RCAN2: variants seen among roughly 807,000 people sequenced by gnomAD.
The protein encoded by RCAN2 is regulator of calcineurin 2, also known as calcipressin-2.
In RCAN2, 9 loss-of-function variants were observed where a neutral mutation model predicts 23.6. The observed-to-expected ratio is 0.38, with a 90% CI of 0.23 to 0.67. The LOEUF (loss-of-function observed/expected upper bound fraction) is 0.67. Ranked by LOEUF, RCAN2 falls within the 30% of genes least tolerant of loss-of-function variation. The pLI, the probability that RCAN2 is intolerant of heterozygous loss-of-function variation, is 0.51. For synonymous variants in RCAN2, 109 were observed against 115.7 expected (o/e 0.94, Z 0.37); for missense variants, 273 against 302.3 (o/e 0.90, Z 0.72).
intron 2 of RCAN2, among the ~76,000 whole-genome samples, chr6:46,334,792 C>T (rs1472047617): frequency 6.6e-6 from 1 of 152,186 alleles, no homozygotes; most frequent in African/African-American, 2.4e-5. Flanking sequence ...GAGTGGCACT[C>T]CTAAGAAGCC....
intron 1 of RCAN2, among the ~76,000 whole-genome samples, chr6:46,469,963 C>A (rs1768512163): frequency 6.6e-6 from 1 of 152,164 alleles, no homozygotes; most frequent in South Asian, 2.1e-4. Context: ...ACCACCCTCA[C>A]CAGACGACCG....
At position 46,223,124 on chromosome 6, in the gene RCAN2, G is replaced by A. The variant is rs567023552; in HGVS notation, c.*17C>T. The stretch of plus-strand genomic sequence containing the variant: ...TGATAAAGAGGAGACGGCTATTATC[G>A]AGAAGGAGCAGGCAGCTCAGTTGGA... On this transcript the variant is annotated 3_prime_UTR_variant, in exon 5 of 5. Transcript: ENST00000371374. The A allele has an allele frequency of 9.3e-6, 15 of 1,611,770 alleles. No individual in the cohort carries two copies. In the South Asian group the frequency reaches 9.9e-5, roughly 11 times the overall value.
intron 2 of RCAN2, among the ~76,000 whole-genome samples, chr6:46,324,817 C>T (rs753079440): frequency 6.6e-6 from 1 of 152,232 alleles, no homozygotes. Flanking sequence ...AACAACTGCT[C>T]AAGGAAAATG....
chr6:46,273,745 T>G (rs1438927841), intron 2 of RCAN2, among the ~76,000 whole-genome samples: 1 of 152,238 alleles, frequency 6.6e-6, no homozygotes, highest in Admixed American at 6.5e-5. Flanking sequence ...TCAACATTGA[T>G]TTGGCTGAAT....
intron 2 of RCAN2, among the ~76,000 whole-genome samples, chr6:46,328,858 G>A (rs554606058): frequency 4.3e-4 from 66 of 152,250 alleles, no homozygotes; most frequent in Admixed American, 1.2e-3. Flanking sequence ...ATCCGCCCAC[G>A]CTGGCCTCCC....
intron 2 of RCAN2, among the ~76,000 whole-genome samples, chr6:46,287,151 CTT>C (rs1300991385): frequency 6.6e-6 from 1 of 152,196 alleles, no homozygotes. Flanking sequence ...AGGCACAAAA[CTT>C]TGCCTGAAAC....
intron 2 of RCAN2, among the ~76,000 whole-genome samples, chr6:46,400,782 G>A (rs536535820): frequency 2.4e-4 from 37 of 152,324 alleles, no homozygotes; most frequent in African/African-American, 7.9e-4. Flanking sequence ...GGGTAAAATG[G>A]TGGTGCCATT....
At chr6:46,479,972 T>C (rs1242716449) in intron 1 of RCAN2, among the ~76,000 whole-genome samples, 2 of 152,196 alleles carry the variant, frequency 1.3e-5, no homozygotes, top group African/African-American at 4.8e-5. Context: ...CATAAGTCCA[T>C]TGTTCATTCC....
At chr6:46,333,967 T>C (rs1326474397) in intron 2 of RCAN2, among the ~76,000 whole-genome samples, 4 of 152,236 alleles carry the variant, frequency 2.6e-5, no homozygotes, top group African/African-American at 9.6e-5. Context: ...CCTGTGTTTC[T>C]TCCATTATGA....
chr6:46,440,173 C>T (rs1463393090), intron 2 of RCAN2, among the ~76,000 whole-genome samples: 1 of 152,106 alleles, frequency 6.6e-6, no homozygotes, highest in Non-Finnish European at 1.5e-5. Context: ...TCCTCAAATG[C>T]TTTATAAGTG....
chr6:46,223,086 G>A lies in RCAN2; in HGVS notation c.*55C>T, dbSNP rs1765528972. 6.3e-7 allele frequency: 1 copy of A among 1,581,726 alleles called. No homozygotes were observed. Among genetic ancestry groups the A allele is most frequent in the Non-Finnish European group, 8.6e-7 (1 of 1,162,666 alleles). On this transcript the variant is annotated 3_prime_UTR_variant, in exon 5 of 5. Transcript: ENST00000371374. ...AGGCAATTTTTTTTGACAAACAACA[G>A]GGGGAAAAAGCATGATAAAGAGGAG...
intron 2 of RCAN2, among the ~76,000 whole-genome samples, chr6:46,338,003 G>A (rs957994432): frequency 1.3e-5 from 2 of 152,302 alleles, no homozygotes; most frequent in East Asian, 3.9e-4. Context: ...GGAAGGATAT[G>A]CAAGTAAAAA....
intron 1 of RCAN2, among the ~76,000 whole-genome samples, chr6:46,463,667 T>A (rs905071807): frequency 2.0e-5 from 3 of 152,182 alleles, no homozygotes; most frequent in Non-Finnish European, 4.4e-5. Context: ...ACATATAACT[T>A]TTAACAAAAG....
At chr6:46,379,979 G>A (rs527700675) in intron 2 of RCAN2, among the ~76,000 whole-genome samples, 114 of 152,270 alleles carry the variant, frequency 7.5e-4, no homozygotes, top group African/African-American at 2.6e-3. Flanking sequence ...GATGTCTCAA[G>A]AGGCATATAT....
intron 1 of RCAN2, among the ~76,000 whole-genome samples, chr6:46,468,136 A>T (rs1445204147): frequency 1.3e-5 from 2 of 152,206 alleles, no homozygotes; most frequent in Non-Finnish European, 2.9e-5. Flanking sequence ...AAATATTAGC[A>T]TTTGCTATAA....
chr6:46,270,727 A>C (rs1767494864), intron 2 of RCAN2, among the ~76,000 whole-genome samples: 1 of 152,190 alleles, frequency 6.6e-6, no homozygotes, highest in Non-Finnish European at 1.5e-5. Flanking sequence ...GGCTCCTCTC[A>C]ATGGCCTCTT....
chr6:46,475,306 G>T (rs531465334), intron 1 of RCAN2, among the ~76,000 whole-genome samples: 1 of 152,210 alleles, frequency 6.6e-6, no homozygotes, highest in East Asian at 1.9e-4. Flanking sequence ...GCAGGTGAAA[G>T]TCATGCTCTC....
intron 1 of RCAN2, 60 bp from the exon 2 acceptor site, chr6:46,457,038 C>T (rs1768057943): frequency 1.5e-5 from 19 of 1,232,344 alleles, no homozygotes; most frequent in South Asian, 5.5e-5. Flanking sequence ...ACTCAGTTTT[C>T]GGGTCACAGT....
chr6:46,293,916 G>T (rs1762640749), intron 2 of RCAN2, among the ~76,000 whole-genome samples: 1 of 152,178 alleles, frequency 6.6e-6, no homozygotes, highest in Admixed American at 6.6e-5. Flanking sequence ...TGTTGCAAAA[G>T]CATGAGGCAT....
Sources: gnomAD v4.1 joint callset for allele counts (sites outside exome capture counted in the v4.1 genomes callset) on GRCh38, gnomAD v4.1.1 for gene constraint, MANE v1.5 for transcripts, NCBI Gene and HGNC (gene_info 2026-07-23, HGNC 2026-07-21) for gene names.